HMGA2: variants seen among roughly 807,000 people sequenced by gnomAD.
HMGA2 encodes high mobility group protein HMGI-C.
In HMGA2, 8 loss-of-function variants were observed where a neutral mutation model predicts 19.1. The ratio of observed to expected loss-of-function variants is 0.42; its 90% CI spans 0.25 to 0.76. The LOEUF (loss-of-function observed/expected upper bound fraction) is 0.76. Among genes scored for constraint, HMGA2 ranks in the 30% least tolerant of loss-of-function variants. HMGA2 has a pLI of 0.28. For synonymous variants in HMGA2, 60 were observed against 48.8 expected, an observed-to-expected ratio of 1.23 and a Z score of -0.96; for missense variants, 109 against 136.3, an observed-to-expected ratio of 0.80 and a Z score of 1.00.
Position 65,833,492 on chromosome 12 carries a change from AT to A in HMGA2, c.199-5026del, listed in dbSNP as rs369601929. ...GGCTATATCACAGTACATAAAAAAA[AT>A]GATGAGAGAACTTGTAATAGCAAAA... On this transcript the variant is annotated intron_variant, in intron 2 of 4. Coordinates refer to ENST00000403681, the MANE Select transcript of HMGA2 (RefSeq NM_003483.6). Among the ~76,000 whole-genome samples, 395 of 152,094 alleles carry A rather than the reference AT, an allele frequency of 2.6e-3. 3 individuals carry two copies. The highest frequency in any genetic ancestry group is 8.7e-3 in the African/African-American group (363 of 41,494).
At chr12:65,959,484 CAT>C (rs1393319488) in intron 4 of HMGA2, among the ~76,000 whole-genome samples, 3 of 152,216 alleles carry the variant, frequency 2.0e-5, no homozygotes, top group Non-Finnish European at 2.9e-5. Flanking sequence ...AGAAACCTCA[CAT>C]GTTTCGGCCC....
chr12:65,880,911 G>T (rs771142079), intron 3 of HMGA2, among the ~76,000 whole-genome samples: 9 of 152,150 alleles, frequency 5.9e-5, no homozygotes, highest in Non-Finnish European at 1.2e-4. Flanking sequence ...GATATGAAAA[G>T]TTCCTTGATA....
intron 4 of HMGA2, chr12:65,952,456 T>C (rs1315643127): frequency 6.5e-7 from 1 of 1,532,774 alleles, no homozygotes; most frequent in Non-Finnish European, 8.7e-7. Context: ...TCCAAACACA[T>C]GAAAGGATCC....
intron 3 of HMGA2, among the ~76,000 whole-genome samples, chr12:65,841,093 C>T (rs746315453): frequency 2.6e-5 from 4 of 152,086 alleles, no homozygotes; most frequent in Non-Finnish European, 5.9e-5. Context: ...CACCACACAT[C>T]CTTAAACAGT....
intron 3 of HMGA2, chr12:65,859,655 A>G (rs554929662): frequency 1.3e-5 from 2 of 152,508 alleles, no homozygotes; most frequent in African/African-American, 4.8e-5. Context: ...TTTATGAATT[A>G]GCTCCTTACT....
At chr12:65,935,652 T>C (rs886340818) in intron 3 of HMGA2, among the ~76,000 whole-genome samples, 1 of 152,200 alleles carries the variant, frequency 6.6e-6, no homozygotes, top group Non-Finnish European at 1.5e-5. Flanking sequence ...ACTTTGAACA[T>C]GGAAAAATTA....
chr12:65,913,101 G>A (rs1225239371), intron 3 of HMGA2, among the ~76,000 whole-genome samples: 1 of 152,076 alleles, frequency 6.6e-6, no homozygotes, highest in African/African-American at 2.4e-5. Context: ...AAAACAAAAA[G>A]GTTTTAATTA....
chr12:65,827,823 A>C (rs1375970658), intron 1 of HMGA2, among the ~76,000 whole-genome samples, 178 bp from the exon 2 acceptor site: 1 of 152,208 alleles, frequency 6.6e-6, no homozygotes, highest in Non-Finnish European at 1.5e-5. Context: ...TTGCATTAAA[A>C]GTATAGTTAT....
At chr12:65,921,014 G>C (rs570900319) in intron 3 of HMGA2, among the ~76,000 whole-genome samples, 58 of 152,304 alleles carry the variant, frequency 3.8e-4, no homozygotes, top group Non-Finnish European at 5.9e-4. Context: ...TGCTGATAGT[G>C]ATATGGACAA....
At chr12:65,924,598 G>C (rs1875437375) in intron 3 of HMGA2, among the ~76,000 whole-genome samples, 1 of 152,160 alleles carries the variant, frequency 6.6e-6, no homozygotes, top group Non-Finnish European at 1.5e-5. Flanking sequence ...AAGAGATCGA[G>C]ACCATCCTGG....
chr12:65,918,293 G>A (rs753589882), intron 3 of HMGA2, among the ~76,000 whole-genome samples: 10 of 152,310 alleles, frequency 6.6e-5, no homozygotes, highest in Admixed American at 3.9e-4. Flanking sequence ...AGGCAGTGTC[G>A]TTCTGGAGGG....
chr12:65,940,801 G>A (rs186539485), intron 3 of HMGA2, among the ~76,000 whole-genome samples: 2 of 152,276 alleles, frequency 1.3e-5, no homozygotes, highest in Non-Finnish European at 2.9e-5. Flanking sequence ...TTTAGCTTCT[G>A]CATGCATGAA....
chr12:65,915,635 A>G, intron 3 of HMGA2: 2 of 803,112 alleles, frequency 2.5e-6, no homozygotes, highest in African/African-American at 3.7e-5. Flanking sequence ...TGTCAGTAAC[A>G]TTTCATTCCC....
Position 65,965,873 on chromosome 12 carries a change from T to A in HMGA2, c.*2581T>A, listed in dbSNP as rs1876893869. On this transcript the variant is annotated 3_prime_UTR_variant, in exon 5 of 5. Transcript: ENST00000403681. Reference sequence around the variant, plus strand: ...ACTGAAAAAAAAAGCTTGTGGCCAATGGAACAGTAAGAACATCATAAAATT... The same window carrying A: ...ACTGAAAAAAAAAGCTTGTGGCCAAAGGAACAGTAAGAACATCATAAAATT... 1 of 214,464 alleles carries A rather than the reference T, an allele frequency of 4.7e-6. No homozygotes were observed. The highest frequency in any genetic ancestry group is 1.9e-4 in the South Asian group (1 of 5,340). The allele number at this position is 214,464 out of a possible 1,614,324, so 13.3% of individuals were successfully genotyped here. A position where few individuals can be genotyped will look rare whatever the true frequency, so the allele number is the denominator to read the frequency against.
rs75625011 is a variant in HMGA2, at chr12:65,900,742, C to T, written c.250-50641C>T. ...GTAATTACTGAACACTCACTCAATT[C>T]GGTTAATAAAGCTAAATATACCCAA... is the stretch of plus-strand genomic sequence containing the variant. On this transcript the variant is annotated intron_variant, in intron 3 of 4. Transcript: ENST00000403681. 2.2e-3 allele frequency among the ~76,000 whole-genome samples: 331 copies of T among 152,228 alleles called. 3 individuals carry two copies. The highest frequency in any genetic ancestry group is 7.5e-3 in the African/African-American group (313 of 41,536).
intron 3 of HMGA2, chr12:65,876,990 G>C (rs1301968878): frequency 1.3e-5 from 2 of 152,220 alleles, no homozygotes; most frequent in African/African-American, 2.4e-5. Context: ...ACTCACACTC[G>C]GGGCTCTGGG....
intron 3 of HMGA2, among the ~76,000 whole-genome samples, chr12:65,902,757 A>G (rs2121180996): frequency 6.6e-6 from 1 of 152,312 alleles, no homozygotes. Context: ...GTCATTAGTC[A>G]TCTCTGATAC....
At chr12:65,902,095 G>T (rs1468895687) in intron 3 of HMGA2, among the ~76,000 whole-genome samples, 1 of 152,130 alleles carries the variant, frequency 6.6e-6, no homozygotes, top group Non-Finnish European at 1.5e-5. Flanking sequence ...CCAATATAAG[G>T]AGGACTTGGT....
Position 65,966,217 on chromosome 12 carries a change from T to C in HMGA2, c.*2925T>C. The C allele has an allele frequency of 5.1e-6, 1 of 194,178 alleles. No homozygotes were observed. Among genetic ancestry groups the C allele is most frequent in the East Asian group, 8.1e-5 (1 of 12,342 alleles). 12.0% of individuals were successfully genotyped at this position (194,178 alleles called of 1,614,324 possible). On this transcript the variant is annotated 3_prime_UTR_variant, in exon 5 of 5. Coordinates refer to ENST00000403681, the MANE Select transcript of HMGA2 (RefSeq NM_003483.6). ...TGCACAATAAACATAACAGCCTCTG[T>C]GATCCCCATGTGTTTTGATTCCTGC...
Sources: gnomAD v4.1 joint callset for allele counts (sites outside exome capture counted in the v4.1 genomes callset) on GRCh38, gnomAD v4.1.1 for gene constraint, MANE v1.5 for transcripts, NCBI Gene and HGNC (gene_info 2026-07-23, HGNC 2026-07-21) for gene names.